CMTM6: variants seen among roughly 807,000 people sequenced by gnomAD.
CMTM6 encodes the protein CKLF like MARVEL transmembrane domain containing 6, also known as CKLF-like MARVEL transmembrane domain-containing protein 6.
Under a neutral mutation model 13.6 loss-of-function variants are expected in CMTM6, and 5 were observed. The observed-to-expected ratio is 0.37, with a 90% CI of 0.19 to 0.77. CMTM6 has a LOEUF of 0.77. Among genes scored for constraint, CMTM6 ranks in the 30% least tolerant of loss-of-function variants. The pLI, the probability that CMTM6 is intolerant of heterozygous loss-of-function variation, is 0.50. For missense variants in CMTM6, 196 were observed against 218.6 expected, an observed-to-expected ratio of 0.90 and a Z score of 0.65; for synonymous variants, 99 against 84.5, an observed-to-expected ratio of 1.17 and a Z score of -0.94.
chr3:32,499,107 C>T (rs1697323972), intron 1 of CMTM6, among the ~76,000 whole-genome samples: 1 of 151,888 alleles, frequency 6.6e-6, no homozygotes, highest in African/African-American at 2.4e-5. Flanking sequence ...TTTAAAAATC[C>T]ATTGGTCTGA....
At chr3:32,496,699 G>A (rs1267402432) in intron 1 of CMTM6, among the ~76,000 whole-genome samples, 2 of 152,144 alleles carry the variant, frequency 1.3e-5, no homozygotes, top group African/African-American at 4.8e-5. Flanking sequence ...AGGATGAGTG[G>A]AAAAGCAGGA....
At chr3:32,501,565 G>A (rs542646050) in intron 1 of CMTM6, among the ~76,000 whole-genome samples, 1 of 152,310 alleles carries the variant, frequency 6.6e-6, no homozygotes, top group South Asian at 2.1e-4. Flanking sequence ...AAACAGCAGT[G>A]CCGATTTTCC....
chr3:32,486,538 CA>C (rs1427248889), intron 3 of CMTM6, among the ~76,000 whole-genome samples: 1 of 152,202 alleles, frequency 6.6e-6, no homozygotes, highest in Non-Finnish European at 1.5e-5. Flanking sequence ...ATATGTACAG[CA>C]CTACCTTTCT....
intron 3 of CMTM6, among the ~76,000 whole-genome samples, chr3:32,484,498 G>A (rs1190951981): frequency 6.6e-6 from 1 of 152,152 alleles, no homozygotes; most frequent in Non-Finnish European, 1.5e-5. Context: ...CTCAGCCTAG[G>A]TGAAAATGAA....
At chr3:32,499,962 A>G (rs1697330863) in intron 1 of CMTM6, among the ~76,000 whole-genome samples, 2 of 151,840 alleles carry the variant, frequency 1.3e-5, no homozygotes, top group Non-Finnish European at 2.9e-5. Context: ...TCAACCTCCG[A>G]AGACTCTAAT....
At position 32,481,493 on chromosome 3, in the gene CMTM6, G is replaced by A. The variant is rs1559422597; in HGVS notation, c.*2467C>T. On this transcript the variant is annotated 3_prime_UTR_variant, in exon 4 of 4. Coordinates refer to ENST00000205636, the MANE Select transcript of CMTM6 (RefSeq NM_017801.3). ...AGTAATTATAAAATTTTTGTACTGTGAGTTCATTTCTCTTATAATTCTTGA... is the reference window on the plus strand; with the variant it reads ...AGTAATTATAAAATTTTTGTACTGTAAGTTCATTTCTCTTATAATTCTTGA... The A allele has an allele frequency of 1.3e-5, 2 of 152,038 alleles. No homozygotes were observed. The highest frequency in any genetic ancestry group is 1.5e-5 in the Non-Finnish European group (1 of 68,022). The allele number at this position is 152,038 out of a possible 1,614,324, so 9.4% of individuals were successfully genotyped here. A position where few individuals can be genotyped will look rare whatever the true frequency, so the allele number is the denominator to read the frequency against.
intron 3 of CMTM6, among the ~76,000 whole-genome samples, chr3:32,484,328 A>G (rs1697183355): frequency 6.6e-6 from 1 of 152,212 alleles, no homozygotes; most frequent in Non-Finnish European, 1.5e-5. Flanking sequence ...ACAAAATATT[A>G]ATGTTCTGCC....
intron 3 of CMTM6, chr3:32,487,649 T>C (rs773030568): frequency 2.2e-4 from 48 of 222,896 alleles, no homozygotes; most frequent in Admixed American, 7.0e-4. Context: ...GAACTGAAAG[T>C]GGAGAAATAT....
chr3:32,502,625 G>T lies in CMTM6; in HGVS notation c.121C>A (p.Leu41Ile). 1 of 1,597,358 alleles carries T rather than the reference G, an allele frequency of 6.3e-7. No homozygotes were observed. Among genetic ancestry groups the T allele is most frequent in the Non-Finnish European group, 8.5e-7 (1 of 1,173,882 alleles). Residue 41 changes from leucine (L) to isoleucine (I), a missense_variant, in exon 1 of 4, where the codon CTC (leucine) becomes ATC (isoleucine). This residue lies in a region of CMTM6 where 85 missense variants were observed against 58.7 expected (regional missense o/e 1.45). Transcript: ENST00000205636. ...MGRLPLLRRV[L>I]KGLQLLLSLL... ...GGACTCACCAGCTGCAAGCCCTTGA[G>T]AACGCGCCGGAGCAATGGGAGCCGG...
Position 32,502,769 on chromosome 3 carries a change from G to A in CMTM6, c.-24C>T, listed in dbSNP as rs1441192191. The stretch of plus-strand genomic sequence containing the variant: ...ATCGCCTCGGGCCGGGGAGCGCGGC[G>A]GCCGCAGCAACCGCGCCGTTGACTT... On this transcript the variant is annotated 5_prime_UTR_variant, in exon 1 of 4. Coordinates refer to ENST00000205636, the MANE Select transcript of CMTM6 (RefSeq NM_017801.3). 9.9e-6 allele frequency: 14 copies of A among 1,407,366 alleles called. No individual in the cohort carries two copies. Among genetic ancestry groups the A allele is most frequent in the Middle Eastern group, 4.0e-4 (2 of 5,056 alleles). The allele number at this position is 1,407,366 out of a possible 1,614,324, so 87.2% of individuals were successfully genotyped here. A position where few individuals can be genotyped will look rare whatever the true frequency, so the allele number is the denominator to read the frequency against.
chr3:32,483,920 CA>C lies in CMTM6; in HGVS notation c.*39del. On this transcript the variant is annotated 3_prime_UTR_variant, in exon 4 of 4. Transcript: ENST00000205636. ...CTGCCAGGGCTCAGGCACCACAATG[CA>C]GGGTCACTACCTTAGGTAACATCTG... 2 of 1,520,660 alleles carry C rather than the reference CA, an allele frequency of 1.3e-6. No homozygotes were observed. The highest frequency in any genetic ancestry group is 1.8e-6 in the Non-Finnish European group (2 of 1,138,196). The allele number at this position is 1,520,660 out of a possible 1,614,324, so 94.2% of individuals were successfully genotyped here. A position where few individuals can be genotyped will look rare whatever the true frequency, so the allele number is the denominator to read the frequency against.
chr3:32,491,377 A>G (rs987576196), intron 2 of CMTM6, among the ~76,000 whole-genome samples: 3 of 152,250 alleles, frequency 2.0e-5, no homozygotes, highest in African/African-American at 7.2e-5. Flanking sequence ...AAGGCACACA[A>G]TTAATAATTG....
intron 1 of CMTM6, among the ~76,000 whole-genome samples, chr3:32,494,573 T>G (rs1697273960): frequency 1.3e-5 from 2 of 151,928 alleles, no homozygotes. Context: ...GGTACGTGAA[T>G]GTTTATAACA....
intron 1 of CMTM6, among the ~76,000 whole-genome samples, chr3:32,499,003 C>A (rs545032492): frequency 5.3e-5 from 8 of 152,156 alleles, no homozygotes; most frequent in African/African-American, 1.9e-4. Context: ...TAAATGTTTG[C>A]CATTAATTAT....
intron 1 of CMTM6, among the ~76,000 whole-genome samples, chr3:32,495,550 A>G (rs1697283256): frequency 6.6e-6 from 1 of 152,234 alleles, no homozygotes; most frequent in Non-Finnish European, 1.5e-5. Context: ...CGGTTGTATA[A>G]AAGTCAATTA....
chr3:32,484,209 T>C (rs1307425646), intron 3 of CMTM6, 112 bp from the exon 4 acceptor site: 12 of 975,224 alleles, frequency 1.2e-5, no homozygotes, highest in Admixed American at 6.0e-5. Context: ...AATTTTATCT[T>C]ATACACGACT....
chr3:32,502,457 C>T, intron 1 of CMTM6, 151 bp downstream of exon 1: 1 of 1,031,778 alleles, frequency 9.7e-7, no homozygotes, highest in Non-Finnish European at 1.3e-6. Flanking sequence ...GGTAACGCCC[C>T]CTTCCCCAGG....
At chr3:32,493,344 G>T (rs1053202785) in intron 1 of CMTM6, among the ~76,000 whole-genome samples, 8 of 152,146 alleles carry the variant, frequency 5.3e-5, no homozygotes, top group African/African-American at 1.9e-4. Context: ...CACGCAAGTG[G>T]GTTTTAACTA....
chr3:32,482,798 A>T lies in CMTM6; in HGVS notation c.*1162T>A, dbSNP rs1412946671. On this transcript the variant is annotated 3_prime_UTR_variant, in exon 4 of 4. Coordinates refer to ENST00000205636, the MANE Select transcript of CMTM6 (RefSeq NM_017801.3). ...AAGGACTCTCAAGATCCTGCTACACAGTATTCACAATCAAAAGGGCCCAAG... is the reference window on the plus strand; with the variant it reads ...AAGGACTCTCAAGATCCTGCTACACTGTATTCACAATCAAAAGGGCCCAAG... The T allele has an allele frequency of 6.7e-6, 1 of 150,212 alleles. No individual in the cohort carries two copies. Among genetic ancestry groups the T allele is most frequent in the Non-Finnish European group, 1.5e-5 (1 of 67,808 alleles). 9.3% of individuals were successfully genotyped at this position (150,212 alleles called of 1,614,324 possible).
Sources: allele counts gnomAD v4.1 joint callset (sites outside exome capture counted in the v4.1 genomes callset), GRCh38; gene constraint gnomAD v4.1.1; regional missense constraint gnomAD v4.1.1; transcripts MANE v1.5; gene names NCBI Gene and HGNC (gene_info 2026-07-23, HGNC 2026-07-21).